GRID2: variants seen among roughly 807,000 people sequenced by gnomAD.
GRID2 encodes the protein glutamate ionotropic receptor delta type subunit 2.
A neutral mutation model predicts 114.8 loss-of-function variants in GRID2; 33 were observed. The ratio of observed to expected loss-of-function variants is 0.29; its 90% CI spans 0.22 to 0.38. The LOEUF is 0.38. Ranked by LOEUF, GRID2 falls within the 10% of genes least tolerant of loss-of-function variation. The probability of loss-of-function intolerance (pLI) is 1.00; values close to 1 mark genes in which losing one functional copy is unlikely to be tolerated. For synonymous variants in GRID2, 505 were observed against 449.9 expected, an observed-to-expected ratio of 1.12 and a Z score of -1.55; for missense variants, 1,184 against 1,257.7, an observed-to-expected ratio of 0.94 and a Z score of 0.89.
chr4:93,633,249 A>G (rs1302366446), intron 14 of GRID2, among the ~76,000 whole-genome samples: 1 of 151,854 alleles, frequency 6.6e-6, no homozygotes, highest in East Asian at 1.9e-4. Flanking sequence ...TTAATATTAT[A>G]ACTATAAGAA....
At chr4:92,926,722 G>C (rs888977111) in intron 2 of GRID2, among the ~76,000 whole-genome samples, 5 of 151,852 alleles carry the variant, frequency 3.3e-5, no homozygotes, top group Non-Finnish European at 7.4e-5. Flanking sequence ...TCTGAGACTG[G>C]GTAATTTATA....
intron 14 of GRID2, among the ~76,000 whole-genome samples, chr4:93,727,905 T>C (rs952370491): frequency 9.2e-5 from 14 of 152,214 alleles, no homozygotes; most frequent in South Asian, 2.1e-4. Context: ...GCTAGCAGTC[T>C]ATCAATTTTG....
chr4:93,097,491 A>G (rs935455285), intron 3 of GRID2, among the ~76,000 whole-genome samples: 4 of 152,010 alleles, frequency 2.6e-5, no homozygotes, highest in African/African-American at 9.7e-5. Context: ...TTGAAAGTAT[A>G]TTAGAATCTC....
intron 13 of GRID2, among the ~76,000 whole-genome samples, chr4:93,620,784 G>C (rs1420346409): frequency 6.6e-6 from 1 of 152,074 alleles, no homozygotes; most frequent in Non-Finnish European, 1.5e-5. Context: ...AACGAGAAAT[G>C]GTCTCCAAAG....
intron 13 of GRID2, among the ~76,000 whole-genome samples, chr4:93,582,001 T>C (rs1447915308): frequency 6.6e-6 from 1 of 152,184 alleles, no homozygotes; most frequent in Non-Finnish European, 1.5e-5. Flanking sequence ...TATTTTGTGC[T>C]CCATGTATTG....
chr4:93,697,166 C>G (rs1252071142), intron 14 of GRID2, among the ~76,000 whole-genome samples: 2 of 152,146 alleles, frequency 1.3e-5, no homozygotes, highest in African/African-American at 4.8e-5. Context: ...TTTAATGTGA[C>G]TGTTTTAATG....
At chr4:93,202,407 A>T (rs553888432) in intron 4 of GRID2, among the ~76,000 whole-genome samples, 1 of 152,160 alleles carries the variant, frequency 6.6e-6, no homozygotes, top group Non-Finnish European at 1.5e-5. Context: ...GGAAAATTGC[A>T]ATCAAATTTC....
At chr4:93,062,115 CAGG>C (rs1344305480) in intron 2 of GRID2, among the ~76,000 whole-genome samples, 4 of 152,034 alleles carry the variant, frequency 2.6e-5, no homozygotes, top group Non-Finnish European at 5.9e-5. Context: ...CTTTTATTCC[CAGG>C]AGCTATATAA....
chr4:92,526,709 C>T (rs1388959352), intron 1 of GRID2, among the ~76,000 whole-genome samples: 1 of 150,062 alleles, frequency 6.7e-6, no homozygotes, highest in Admixed American at 6.8e-5. Context: ...TTAAAATAAA[C>T]ACCTATCTAA....
At chr4:93,118,269 T>G (rs980962929) in intron 4 of GRID2, among the ~76,000 whole-genome samples, 1 of 152,196 alleles carries the variant, frequency 6.6e-6, no homozygotes, top group Non-Finnish European at 1.5e-5. Flanking sequence ...TCATGGTTGT[T>G]GGCTCATATA....
chr4:93,430,498 A>G (rs1769306500), intron 10 of GRID2, among the ~76,000 whole-genome samples: 1 of 152,242 alleles, frequency 6.6e-6, no homozygotes, highest in South Asian at 2.1e-4. Flanking sequence ...ATTTCAAAAC[A>G]TATGCCACTT....
intron 8 of GRID2, among the ~76,000 whole-genome samples, chr4:93,315,844 C>T (rs1228723506): frequency 6.6e-6 from 1 of 152,126 alleles, no homozygotes; most frequent in African/African-American, 2.4e-5. Context: ...ACTTTAGGTT[C>T]AGGCACTGAC....
intron 7 of GRID2, among the ~76,000 whole-genome samples, chr4:93,237,242 A>C (rs892814431): frequency 6.6e-6 from 1 of 151,984 alleles, no homozygotes; most frequent in African/African-American, 2.4e-5. Flanking sequence ...AATAGTAAAG[A>C]ATTAATTTTG....
chr4:93,166,590 A>T lies in GRID2; in HGVS notation c.736-40814A>T, dbSNP rs79434782. Among the ~76,000 whole-genome samples, 84 of 152,294 alleles carry T rather than the reference A, an allele frequency of 5.5e-4. No homozygotes were observed. The East Asian group carries it at 0.014, about 26-fold the overall frequency. ...AATGCCACACATAAACTATAGAACT[A>T]TCTGGAGTATAAAATGAAGATGTTT... is the stretch of plus-strand genomic sequence containing the variant. On this transcript the variant is annotated intron_variant, in intron 4 of 15. Coordinates refer to ENST00000282020, the MANE Select transcript of GRID2 (RefSeq NM_001510.4).
At chr4:93,447,388 A>G (rs567109752) in intron 10 of GRID2, among the ~76,000 whole-genome samples, 1 of 152,118 alleles carries the variant, frequency 6.6e-6, no homozygotes, top group South Asian at 2.1e-4. Context: ...AAGGGAAAAA[A>G]CAGTTCTTTG....
At chr4:93,036,783 G>A (rs1241508475) in intron 2 of GRID2, among the ~76,000 whole-genome samples, 1 of 152,080 alleles carries the variant, frequency 6.6e-6, no homozygotes, top group African/African-American at 2.4e-5. Context: ...TTTGGTAGTG[G>A]TGTTACATTT....
intron 3 of GRID2, among the ~76,000 whole-genome samples, chr4:93,101,297 T>G (rs1731681559): frequency 6.6e-6 from 1 of 152,040 alleles, no homozygotes; most frequent in African/African-American, 2.4e-5. Context: ...CTTTTAGCTA[T>G]TTTGAAATGT....
intron 2 of GRID2, among the ~76,000 whole-genome samples, chr4:92,642,234 G>C (rs986333510): frequency 1.3e-5 from 2 of 151,692 alleles, no homozygotes; most frequent in African/African-American, 4.8e-5. Flanking sequence ...GCTATCTACA[G>C]TGTCTGAACT....
At chr4:92,929,713 A>AGATCTGAACTTGGATCAGATCTTG (rs532142945) in intron 2 of GRID2, among the ~76,000 whole-genome samples, 2,250 of 151,466 alleles carry the variant, frequency 0.015, 23 homozygotes, top group East Asian at 0.054. Context: ...TATTTACTGA[A>AGATCTGAACTTGGATCAGATCTTG]GATCTGAACT....
Sources: gnomAD v4.1 joint callset for allele counts (sites outside exome capture counted in the v4.1 genomes callset) on GRCh38, gnomAD v4.1.1 for gene constraint, MANE v1.5 for transcripts, NCBI Gene and HGNC (gene_info 2026-07-23, HGNC 2026-07-21) for gene names.